Variants in TANC2 observed in about 807,000 individuals in gnomAD.
TANC2 encodes protein TANC2.
A neutral mutation model predicts 210.5 loss-of-function variants in TANC2; 26 were observed. That is an observed-to-expected ratio of 0.12 (90% CI 0.09 to 0.17). The LOEUF (loss-of-function observed/expected upper bound fraction) is 0.17, where lower values mean the gene tolerates loss of function less well. Among genes scored for constraint, TANC2 ranks in the 10% least tolerant of loss-of-function variants. The pLI is 1.00. For missense variants in TANC2, 2,129 were observed against 2,608.9 expected (o/e 0.82, Z 4.01); for synonymous variants, 931 against 967.1 (o/e 0.96, Z 0.69).
intron 2 of TANC2, among the ~76,000 whole-genome samples, chr17:63,030,709 C>T (rs1164070268): frequency 6.6e-6 from 1 of 151,808 alleles, no homozygotes; most frequent in Non-Finnish European, 1.5e-5. Flanking sequence ...AAGTTCAACC[C>T]CTGAGAACCA....
intron 2 of TANC2, among the ~76,000 whole-genome samples, chr17:63,056,675 T>C (rs929620322): frequency 1.3e-5 from 2 of 152,152 alleles, no homozygotes; most frequent in Non-Finnish European, 2.9e-5. Context: ...CGAAACCCTG[T>C]CTCATAAATA....
intron 9 of TANC2, among the ~76,000 whole-genome samples, chr17:63,281,624 C>T (rs369184676): frequency 6.6e-6 from 1 of 152,080 alleles, no homozygotes. Context: ...TAAAATGTAT[C>T]TGTTAAACCC....
chr17:63,164,622 C>G (rs1047574634), intron 5 of TANC2, among the ~76,000 whole-genome samples: 25 of 152,116 alleles, frequency 1.6e-4, no homozygotes, highest in African/African-American at 5.3e-4. Flanking sequence ...CACCTGCAAC[C>G]TGGAAGCCCA....
chr17:63,227,255 C>G (rs1048053706), intron 7 of TANC2, among the ~76,000 whole-genome samples: 1 of 152,124 alleles, frequency 6.6e-6, no homozygotes, highest in Non-Finnish European at 1.5e-5. Flanking sequence ...CACAGCCTTG[C>G]CAGTGTCTGT....
At chr17:63,237,930 G>C in exon 8 of TANC2, 1 of 1,586,938 alleles carries the variant, frequency 6.3e-7, no homozygotes, top group Non-Finnish European at 8.6e-7. Flanking sequence ...ATCCAGCATG[G>C]ACTCCTGTTT....
chr17:63,048,758 G>A (rs2035472979), intron 2 of TANC2, among the ~76,000 whole-genome samples: 1 of 152,048 alleles, frequency 6.6e-6, no homozygotes, highest in Admixed American at 6.6e-5. Context: ...TACACATGGA[G>A]ACAAAGAGGG....
Position 63,420,593 on chromosome 17 carries a change from G to A in TANC2, c.4863G>A (p.Arg1621=), listed in dbSNP as rs775611775. The A allele has an allele frequency of 2.5e-6, 4 of 1,613,856 alleles. No homozygotes were observed. Among genetic ancestry groups the A allele is most frequent in the Non-Finnish European group, 2.5e-6 (3 of 1,179,830 alleles). ...CAAGCCCTCCCCCTTCCCCTCTCCG[G>A]AGAGGCCCTCAGTATCGGGCCAGCC... Residue 1621 remains arginine (R), a synonymous_variant, in exon 28 of 28, where the codon CGG becomes CGA. Transcript: ENST00000689528. This position sits in a 1 kb window ranked among gnomAD's most constrained non-coding sequence, Gnocchi z 4.2.
chr17:63,127,931 A>G (rs2038770859), intron 4 of TANC2, among the ~76,000 whole-genome samples: 2 of 152,204 alleles, frequency 1.3e-5, no homozygotes, highest in South Asian at 2.1e-4. Flanking sequence ...GACAAGATGT[A>G]TATTAGAGGC....
intron 2 of TANC2, among the ~76,000 whole-genome samples, chr17:63,071,133 GA>G (rs1407072434): frequency 1.4e-4 from 22 of 152,126 alleles, no homozygotes; most frequent in Non-Finnish European, 5.9e-5. Context: ...TTTCTTGTTA[GA>G]GCAGCTTTTT....
chr17:63,060,766 G>A (rs1195540697), intron 2 of TANC2, among the ~76,000 whole-genome samples: 1 of 152,200 alleles, frequency 6.6e-6, no homozygotes, highest in East Asian at 1.9e-4. Context: ...ACTAATAACA[G>A]TATTCACTGA....
chr17:63,175,943 C>T (rs948242405), intron 5 of TANC2, among the ~76,000 whole-genome samples: 1 of 152,130 alleles, frequency 6.6e-6, no homozygotes, highest in Non-Finnish European at 1.5e-5. Context: ...TCACTAAACA[C>T]GTGAAAAGAT....
intron 5 of TANC2, among the ~76,000 whole-genome samples, chr17:63,184,957 C>G (rs2951887): frequency 0.2 from 30,193 of 150,246 alleles, 6,377 homozygotes; most frequent in African/African-American, 0.54. Flanking sequence ...AAACTATCTT[C>G]TTTTGTTCAG....
intron 1 of TANC2, among the ~76,000 whole-genome samples, chr17:62,989,761 C>T: frequency 6.8e-6 from 1 of 146,188 alleles, no homozygotes; most frequent in Admixed American, 6.8e-5. Flanking sequence ...GAATAAAAAA[C>T]ACATGCTTTT....
At chr17:63,262,108 C>T (rs1188142788) in intron 8 of TANC2, among the ~76,000 whole-genome samples, 1 of 152,150 alleles carries the variant, frequency 6.6e-6, no homozygotes, top group East Asian at 1.9e-4. Flanking sequence ...AACACACACA[C>T]ACATATATAA....
At chr17:62,979,366 C>G (rs1443251215) in intron 1 of TANC2, among the ~76,000 whole-genome samples, 2 of 152,070 alleles carry the variant, frequency 1.3e-5, no homozygotes, top group African/African-American at 4.8e-5. Flanking sequence ...TTTGCAATAG[C>G]ATGTTAACAG....
intron 1 of TANC2, among the ~76,000 whole-genome samples, chr17:62,974,259 A>G (rs570464018): frequency 5.9e-5 from 9 of 152,344 alleles, no homozygotes; most frequent in Admixed American, 5.9e-4. Flanking sequence ...CTAACACTGA[A>G]TAAGACTCTC....
At chr17:63,180,454 G>T (rs1459893014) in intron 5 of TANC2, among the ~76,000 whole-genome samples, 1 of 152,142 alleles carries the variant, frequency 6.6e-6, no homozygotes, top group Non-Finnish European at 1.5e-5. Context: ...GAGTTGATGG[G>T]TTCAGGACAA....
intron 1 of TANC2, 82 bp from the exon 2 acceptor site, chr17:63,009,455 T>C: frequency 1.2e-6 from 1 of 863,136 alleles, no homozygotes; most frequent in Non-Finnish European, 1.8e-6. Flanking sequence ...TTAAAACATG[T>C]ATAGTTATTG....
chr17:63,369,500 T>C (rs2147003024), intron 14 of TANC2, among the ~76,000 whole-genome samples: 1 of 152,232 alleles, frequency 6.6e-6, no homozygotes, highest in Non-Finnish European at 1.5e-5. Flanking sequence ...CTTCCTTTTT[T>C]CTTCTCATGG....
Sources: gnomAD v4.1 joint callset for allele counts (sites outside exome capture counted in the v4.1 genomes callset) on GRCh38, gnomAD v4.1.1 for gene constraint, Gnocchi (gnomAD v3.1) non-coding constraint, MANE v1.5 for transcripts, NCBI Gene and HGNC (gene_info 2026-07-23, HGNC 2026-07-21) for gene names.